The following ARMH3 variants were observed in gnomAD, a reference collection of about 807,000 sequenced individuals.
ARMH3 encodes the protein armadillo like helical domain containing 3, also known as armadillo-like helical domain-containing protein 3.
A neutral mutation model predicts 99.1 loss-of-function variants in ARMH3; 60 were observed. The ratio of observed to expected loss-of-function variants is 0.61; its 90% CI spans 0.49 to 0.75. The LOEUF is 0.75. ARMH3 is among the 30% of genes least tolerant of loss of function. The pLI, the probability that ARMH3 is intolerant of heterozygous loss-of-function variation, is 0.00. For synonymous variants in ARMH3, 285 were observed against 292.8 expected (o/e 0.97, Z 0.27); for missense variants, 679 against 843.1 (o/e 0.81, Z 2.41).
intron 16 of ARMH3, among the ~76,000 whole-genome samples, chr10:101,993,860 A>T (rs946741783): frequency 6.6e-6 from 1 of 152,242 alleles, no homozygotes; most frequent in African/African-American, 2.4e-5. Context: ...CAGGGACTTA[A>T]GGCAGATGCT....
intron 24 of ARMH3, among the ~76,000 whole-genome samples, chr10:101,868,955 C>T (rs2067070080): frequency 6.6e-6 from 1 of 151,798 alleles, no homozygotes; most frequent in Non-Finnish European, 1.5e-5. Context: ...GCCTGTAATC[C>T]CAGCTGCTTG....
chr10:101,952,240 T>A (rs1209092067), intron 22 of ARMH3, among the ~76,000 whole-genome samples: 2 of 152,220 alleles, frequency 1.3e-5, no homozygotes, highest in Non-Finnish European at 2.9e-5. Context: ...AAGGTTAGTA[T>A]CATCAGTGAT....
chr10:101,940,074 C>T (rs1017783163), intron 22 of ARMH3, 136 bp from the exon 23 acceptor site: 3 of 609,666 alleles, frequency 4.9e-6, no homozygotes, highest in African/African-American at 1.9e-5. Flanking sequence ...TAAAAACATC[C>T]TCAGCTTAGA....
chr10:101,902,985 G>A (rs1001310013), intron 23 of ARMH3, among the ~76,000 whole-genome samples: 1 of 152,096 alleles, frequency 6.6e-6, no homozygotes, highest in Non-Finnish European at 1.5e-5. Context: ...ACAGGAGGCT[G>A]GTATAATTGT....
intron 24 of ARMH3, among the ~76,000 whole-genome samples, chr10:101,859,528 T>C (rs2066814495): frequency 6.6e-6 from 1 of 152,262 alleles, no homozygotes; most frequent in Non-Finnish European, 1.5e-5. Context: ...GATGTCACTC[T>C]ACTCTCAAAA....
At chr10:101,865,388 C>T (rs1048361221) in intron 24 of ARMH3, among the ~76,000 whole-genome samples, 1 of 152,144 alleles carries the variant, frequency 6.6e-6, no homozygotes, top group African/African-American at 2.4e-5. Flanking sequence ...AAACACCACA[C>T]ATGGCACCAT....
intron 23 of ARMH3, among the ~76,000 whole-genome samples, chr10:101,914,137 T>C (rs1231890126): frequency 1.3e-5 from 2 of 152,198 alleles, no homozygotes; most frequent in South Asian, 2.1e-4. Context: ...AAGTGCTGTG[T>C]ATCTATTATG....
At chr10:101,932,873 A>C (rs1396710900) in intron 23 of ARMH3, among the ~76,000 whole-genome samples, 2 of 152,230 alleles carry the variant, frequency 1.3e-5, no homozygotes, top group African/African-American at 4.8e-5. Context: ...TGTACTTACC[A>C]TTAAACTGTA....
At chr10:101,857,541 A>G (rs2066763615) in intron 24 of ARMH3, among the ~76,000 whole-genome samples, 1 of 152,234 alleles carries the variant, frequency 6.6e-6, no homozygotes, top group African/African-American at 2.4e-5. Flanking sequence ...AGCTTCAGGC[A>G]GTTTTTAATG....
intron 14 of ARMH3, among the ~76,000 whole-genome samples, chr10:102,005,262 A>C (rs2066456791): frequency 6.6e-6 from 1 of 151,980 alleles, no homozygotes; most frequent in South Asian, 2.1e-4. Flanking sequence ...ACATGCCTGT[A>C]ATCTCAGCTA....
intron 23 of ARMH3, among the ~76,000 whole-genome samples, chr10:101,931,558 A>G (rs1843723546): frequency 6.6e-6 from 1 of 152,036 alleles, no homozygotes; most frequent in African/African-American, 2.4e-5. Context: ...GGGAAACTGG[A>G]TATCCACGTG....
At chr10:101,883,158 T>A (rs374704150) in intron 24 of ARMH3, among the ~76,000 whole-genome samples, 51 of 152,286 alleles carry the variant, frequency 3.3e-4, no homozygotes, top group Middle Eastern at 6.8e-3. Flanking sequence ...CTCACACCTA[T>A]AATACCAGCA....
chr10:101,857,147 T>C (rs1000266055), intron 24 of ARMH3, among the ~76,000 whole-genome samples: 1 of 152,186 alleles, frequency 6.6e-6, no homozygotes, highest in African/African-American at 2.4e-5. Flanking sequence ...CCTAGCATAA[T>C]TGTCTTATCC....
chr10:102,018,991 G>A (rs2066814754), intron 8 of ARMH3, among the ~76,000 whole-genome samples: 1 of 151,982 alleles, frequency 6.6e-6, no homozygotes, highest in Non-Finnish European at 1.5e-5. Context: ...ATCATGTATA[G>A]TACCTACTAC....
intron 5 of ARMH3, 93 bp downstream of exon 5, chr10:102,029,545 T>A: frequency 6.2e-7 from 1 of 1,612,364 alleles, no homozygotes; most frequent in Non-Finnish European, 8.5e-7. Context: ...TCTTTCTGAG[T>A]CCAAATCTTT....
chr10:102,013,941 A>AC, intron 9 of ARMH3, 27 bp downstream of exon 9: 1 of 1,562,688 alleles, frequency 6.4e-7, no homozygotes. Flanking sequence ...AATAAGTAAG[A>AC]CAATACACAA....
At chr10:101,940,001 T>TCTTCAGATTCAGATATTCA in intron 22 of ARMH3, 63 bp from the exon 23 acceptor site, 1 of 1,362,666 alleles carries the variant, frequency 7.3e-7, no homozygotes, top group South Asian at 1.2e-5. Context: ...ACATGAGGAA[T>TCTTCAGATTCAGATATTCA]GAAGACACAT....
At chr10:102,016,603 G>A (rs939514106) in intron 8 of ARMH3, among the ~76,000 whole-genome samples, 4 of 152,202 alleles carry the variant, frequency 2.6e-5, no homozygotes, top group Middle Eastern at 3.2e-3. Flanking sequence ...TCATGCTCTA[G>A]GAAACAGTTG....
At chr10:102,009,936 A>C (rs765673414) in intron 12 of ARMH3, 41 bp downstream of exon 12, 2 of 1,585,654 alleles carry the variant, frequency 1.3e-6, no homozygotes, top group South Asian at 2.2e-5. Context: ...GACAGCCCAC[A>C]CTAAAGTCCA....
Sources: gnomAD v4.1 joint callset for allele counts (sites outside exome capture counted in the v4.1 genomes callset) on GRCh38, gnomAD v4.1.1 for gene constraint, MANE v1.5 for transcripts, NCBI Gene and HGNC (gene_info 2026-07-23, HGNC 2026-07-21) for gene names.